Variants in GRIK4 observed in about 807,000 individuals in gnomAD.
GRIK4 encodes glutamate ionotropic receptor kainate type subunit 4.
GRIK4 carries 40 observed loss-of-function variants against 104.9 expected under a neutral mutation model. The ratio of observed to expected loss-of-function variants is 0.38; its 90% CI spans 0.30 to 0.50. The LOEUF is 0.50. Ranked by LOEUF, GRIK4 falls within the 20% of genes least tolerant of loss-of-function variation. The pLI, the probability that GRIK4 is intolerant of heterozygous loss-of-function variation, is 0.93. For missense variants in GRIK4, 1,047 were observed against 1,308.1 expected, an observed-to-expected ratio of 0.80 and a Z score of 3.08; for synonymous variants, 485 against 524.9, an observed-to-expected ratio of 0.92 and a Z score of 1.04.
At chr11:120,515,597 C>A (rs1322881255) in intron 1 of GRIK4, among the ~76,000 whole-genome samples, 1 of 152,236 alleles carries the variant, frequency 6.6e-6, no homozygotes, top group Non-Finnish European at 1.5e-5. Context: ...TCTCCCCACC[C>A]AGAGGGCAGA....
At chr11:120,721,194 C>T (rs7948989) in intron 3 of GRIK4, among the ~76,000 whole-genome samples, 7,242 of 152,170 alleles carry the variant, frequency 0.048, 577 homozygotes, top group African/African-American at 0.16. Context: ...TGGTTCAAGA[C>T]AGCATTTTGG....
intron 3 of GRIK4, among the ~76,000 whole-genome samples, chr11:120,797,008 C>G (rs1325982839): frequency 6.6e-6 from 1 of 152,224 alleles, no homozygotes; most frequent in East Asian, 1.9e-4. Flanking sequence ...AGCCATAGAA[C>G]TCAGAACTGG....
In GRIK4 at chr11:120,940,207, G is replaced by A. The variant is rs1943689831; in HGVS notation, c.1477-140G>A. The A allele has an allele frequency of 4.9e-6, 3 of 614,672 alleles. No homozygotes were observed. The highest frequency in any genetic ancestry group is 8.8e-6 in the Non-Finnish European group (3 of 341,610). The allele number at this position is 614,672 out of a possible 1,614,324, so 38.1% of individuals were successfully genotyped here. ...GAGTGATCATTCAGATCTGTATGCA[G>A]TGTTGACTTAGAGCCACTCCTCAAG... On this transcript the variant is annotated intron_variant, in intron 13 of 20. Transcript: ENST00000527524. The surrounding 1 kb of genome is among the most constrained non-coding windows in gnomAD (Gnocchi z 4.3).
chr11:120,764,201 C>T (rs1298001414), intron 3 of GRIK4, among the ~76,000 whole-genome samples: 1 of 152,046 alleles, frequency 6.6e-6, no homozygotes, highest in Non-Finnish European at 1.5e-5. Flanking sequence ...TATGTAATGT[C>T]CTTCTTTGTC....
Position 120,967,984 on chromosome 11 carries a change from C to T in GRIK4, c.2395+661C>T, listed in dbSNP as rs551467348. On this transcript the variant is annotated intron_variant, in intron 19 of 20. Transcript: ENST00000527524. The surrounding 1 kb of genome is among the most constrained non-coding windows in gnomAD (Gnocchi z 4.2). ...CCTTATTTCCCTTCTCAGACCTCAT[C>T]GCTACCTGATATTATATTTCTTGTG... Among the ~76,000 whole-genome samples the T allele has an allele frequency of 6.6e-5, 10 of 152,280 alleles. No individual in the cohort carries two copies. Among genetic ancestry groups the T allele is most frequent in the South Asian group, 4.2e-4 (2 of 4,806 alleles).
intron 3 of GRIK4, among the ~76,000 whole-genome samples, chr11:120,783,380 C>G (rs767683593): frequency 7.9e-5 from 12 of 152,132 alleles, no homozygotes; most frequent in African/African-American, 1.4e-4. Context: ...TGTTCTCCCC[C>G]TTTCTTCCCT....
chr11:120,873,052 C>T (rs1277655296), intron 9 of GRIK4: 1 of 152,256 alleles, frequency 6.6e-6, no homozygotes, highest in Non-Finnish European at 1.5e-5. Flanking sequence ...GATTAAGGTC[C>T]TGTGTGTTCC....
At chr11:120,936,349 A>G in intron 13 of GRIK4, 2 of 480,662 alleles carry the variant, frequency 4.2e-6, no homozygotes, top group Admixed American at 4.5e-5. Context: ...GGAAAGAACA[A>G]GATGAAGGTC....
intron 1 of GRIK4, among the ~76,000 whole-genome samples, chr11:120,634,902 G>T: frequency 6.6e-6 from 1 of 152,108 alleles, no homozygotes; most frequent in Non-Finnish European, 1.5e-5. Flanking sequence ...CTGAGCATCC[G>T]CCATCTCTAG....
intron 3 of GRIK4, among the ~76,000 whole-genome samples, chr11:120,735,974 A>G (rs2155263): frequency 0.75 from 113,754 of 152,058 alleles, 42,926 homozygotes; most frequent in Middle Eastern, 0.84. Flanking sequence ...AATTCTGTCC[A>G]AGAGCCTAGG....
At chr11:120,869,782 C>G (rs545913826) in intron 9 of GRIK4, 1 of 152,720 alleles carries the variant, frequency 6.5e-6, no homozygotes, top group South Asian at 2.1e-4. Context: ...ACACTGGGGA[C>G]TGGTGCAACA....
intron 15 of GRIK4, among the ~76,000 whole-genome samples, chr11:120,954,733 T>C (rs541685357): frequency 6.7e-6 from 1 of 149,746 alleles, no homozygotes; most frequent in East Asian, 2.0e-4. Context: ...CACAGAAAGG[T>C]TAACAGAAAA....
At chr11:120,592,096 C>G (rs1344445354) in intron 1 of GRIK4, among the ~76,000 whole-genome samples, 2 of 152,168 alleles carry the variant, frequency 1.3e-5, no homozygotes, top group Admixed American at 1.3e-4. Flanking sequence ...AAAGACCTTG[C>G]TTTACAGAAA....
chr11:120,777,614 G>A (rs1394713256), intron 3 of GRIK4, among the ~76,000 whole-genome samples: 1 of 152,252 alleles, frequency 6.6e-6, no homozygotes, highest in African/African-American at 2.4e-5. Context: ...TGTGGAATGT[G>A]TTGGGTGTTG....
rs540509687 is a variant in GRIK4 at position 120,952,018 on chromosome 11, G to C, written c.1591-837G>C. Among the ~76,000 whole-genome samples, 1 of 152,146 alleles carries C rather than the reference G, an allele frequency of 6.6e-6. No individual in the cohort carries two copies. The highest frequency in any genetic ancestry group is 1.5e-5 in the Non-Finnish European group (1 of 68,034). On this transcript the variant is annotated intron_variant, in intron 14 of 20. Transcript: ENST00000527524. The surrounding 1 kb of genome is among the most constrained non-coding windows in gnomAD (Gnocchi z 5.2). Reference sequence around the variant, plus strand: ...GGTGGGAACTTGCCTGAGACCACACGGCTAAAGACTTGGAGCAGATGACTT... The same window carrying C: ...GGTGGGAACTTGCCTGAGACCACACCGCTAAAGACTTGGAGCAGATGACTT...
intron 3 of GRIK4, among the ~76,000 whole-genome samples, chr11:120,776,501 G>T (rs1227691709): frequency 6.6e-6 from 1 of 152,226 alleles, no homozygotes; most frequent in Non-Finnish European, 1.5e-5. Context: ...GAAGGCAGGA[G>T]ATCACTGGAT....
At chr11:120,882,349 C>CTGCCGGAGCCTGGCTCAGAG in intron 11 of GRIK4, among the ~76,000 whole-genome samples, 1 of 152,352 alleles carries the variant, frequency 6.6e-6, no homozygotes, top group Non-Finnish European at 1.5e-5. Context: ...GAAGCTGCTT[C>CTGCCGGAGCCTGGCTCAGAG]TGCCGGAGCC....
intron 2 of GRIK4, among the ~76,000 whole-genome samples, chr11:120,657,660 T>C (rs1287346805): frequency 1.3e-5 from 2 of 152,228 alleles, no homozygotes; most frequent in Non-Finnish European, 2.9e-5. Context: ...GCCTGGGTGC[T>C]GATGGCTCAC....
rs1354697819 is a variant in GRIK4, at chr11:120,819,586, G to A, written c.346-169G>A. On this transcript the variant is annotated intron_variant, in intron 5 of 20. Coordinates refer to ENST00000527524, the MANE Select transcript of GRIK4 (RefSeq NM_014619.5). This position sits in a 1 kb window ranked among gnomAD's most constrained non-coding sequence, Gnocchi z 4.3. ...AGCATCATCAGGGATGTCATCGCTC[G>A]TCTTCCTCCCACGGAGTGGGTGCCC... is the stretch of plus-strand genomic sequence containing the variant. 4.6e-5 allele frequency among the ~76,000 whole-genome samples: 7 copies of A among 152,270 alleles called. No homozygotes were observed. The highest frequency in any genetic ancestry group is 4.2e-4 in the South Asian group (2 of 4,818).
Sources: gnomAD v4.1 joint callset for allele counts (sites outside exome capture counted in the v4.1 genomes callset) on GRCh38, gnomAD v4.1.1 for gene constraint, Gnocchi (gnomAD v3.1) non-coding constraint, MANE v1.5 for transcripts, NCBI Gene and HGNC (gene_info 2026-07-23, HGNC 2026-07-21) for gene names.